Variants in NCK1 observed in about 807,000 individuals in gnomAD.
The protein encoded by NCK1 is SH2/SH3 adapter protein NCK1.
In NCK1, 19 loss-of-function variants were observed where a neutral mutation model predicts 36.6. That is an observed-to-expected ratio of 0.52 (90% confidence interval 0.36 to 0.76). NCK1 has a LOEUF of 0.76. Among genes scored for constraint, NCK1 ranks in the 30% least tolerant of loss-of-function variants. The pLI, the probability that NCK1 is intolerant of heterozygous loss-of-function variation, is 0.00. For missense variants in NCK1, 358 were observed against 445.6 expected (o/e 0.80, Z 1.77); for synonymous variants, 165 against 156.0 (o/e 1.06, Z -0.43).
chr3:136,923,321 C>T (rs891362135), intron 1 of NCK1, among the ~76,000 whole-genome samples: 2 of 151,946 alleles, frequency 1.3e-5, no homozygotes, highest in South Asian at 2.1e-4. Flanking sequence ...TTTGGGAGGC[C>T]GAGGCAGGCG....
chr3:136,878,008 C>G (rs1412198546), intron 1 of NCK1, among the ~76,000 whole-genome samples: 1 of 152,158 alleles, frequency 6.6e-6, no homozygotes, highest in Admixed American at 6.6e-5. Context: ...AGAACTGATA[C>G]ATGTTATAAC....
intron 1 of NCK1, among the ~76,000 whole-genome samples, chr3:136,880,719 T>G (rs1938910063): frequency 6.6e-6 from 1 of 152,068 alleles, no homozygotes; most frequent in Non-Finnish European, 1.5e-5. Flanking sequence ...ATCCTCATGT[T>G]TCAACCTCCC....
At chr3:136,878,182 G>A (rs1938827595) in intron 1 of NCK1, among the ~76,000 whole-genome samples, 1 of 152,158 alleles carries the variant, frequency 6.6e-6, no homozygotes, top group Non-Finnish European at 1.5e-5. Flanking sequence ...GCCAAGACGG[G>A]CAGATCACTT....
At chr3:136,935,870 A>G (rs1560052763) in intron 2 of NCK1, among the ~76,000 whole-genome samples, 1 of 152,086 alleles carries the variant, frequency 6.6e-6, no homozygotes, top group Non-Finnish European at 1.5e-5. Context: ...GGCAATTACT[A>G]ATCTGCTTTC....
At chr3:136,918,051 G>C (rs1184770939) in intron 1 of NCK1, among the ~76,000 whole-genome samples, 1 of 152,096 alleles carries the variant, frequency 6.6e-6, no homozygotes. Flanking sequence ...TAGAGTTCAA[G>C]GCAGGCCGTT....
intron 2 of NCK1, among the ~76,000 whole-genome samples, chr3:136,931,967 A>G (rs1265873245): frequency 6.6e-6 from 1 of 152,110 alleles, no homozygotes; most frequent in Admixed American, 6.5e-5. Context: ...TAAAAATGCA[A>G]ACATTAGCTG....
intron 1 of NCK1, among the ~76,000 whole-genome samples, chr3:136,921,635 T>C (rs1344382339): frequency 6.6e-6 from 1 of 152,202 alleles, no homozygotes; most frequent in Non-Finnish European, 1.5e-5. Flanking sequence ...CTAGTTAAAA[T>C]GGTAAGGACA....
At position 136,948,495 on chromosome 3, in the gene NCK1, C is replaced by A; in HGVS notation, c.*42C>A. ...TGACTGCTGTGTAGCTGTAATTTGT[C>A]ATGTAATTGAAGACTGAGAAAATGT... On this transcript the variant is annotated 3_prime_UTR_variant, in exon 4 of 4. Coordinates refer to ENST00000481752, the MANE Select transcript of NCK1 (RefSeq NM_001291999.2). 1 of 1,541,580 alleles carries A rather than the reference C, an allele frequency of 6.5e-7. No individual in the cohort carries two copies. Among genetic ancestry groups the A allele is most frequent in the South Asian group, 1.2e-5 (1 of 83,766 alleles).
rs73864638 is a variant in NCK1 at position 136,904,900 on chromosome 3, C to G, written c.-18-23084C>G. ...ATTTCCAAGGGCCTTTCTTAATGTT[C>G]TGAGAATCTTTTATCTGCTTAATCT... On this transcript the variant is annotated intron_variant, in intron 1 of 3. Coordinates refer to ENST00000481752, the MANE Select transcript of NCK1 (RefSeq NM_001291999.2). 8.5e-3 allele frequency among the ~76,000 whole-genome samples: 1,245 copies of G among 146,082 alleles called. 23 individuals are homozygous for G. Among genetic ancestry groups the G allele is most frequent in the African/African-American group, 0.03 (1,199 of 39,512 alleles).
At chr3:136,877,843 TA>T (rs1428553330) in intron 1 of NCK1, among the ~76,000 whole-genome samples, 1 of 152,076 alleles carries the variant, frequency 6.6e-6, no homozygotes, top group East Asian at 1.9e-4. Context: ...AGGGTGGTGC[TA>T]AAAACAGGAG....
chr3:136,928,254 A>G (rs1464060324), intron 2 of NCK1, 27 bp downstream of exon 2: 25 of 1,561,402 alleles, frequency 1.6e-5, no homozygotes, highest in East Asian at 2.3e-5. Flanking sequence ...AAGAAAAGCA[A>G]CTTTGTTTTA....
At chr3:136,881,378 C>T (rs1488478033) in intron 1 of NCK1, among the ~76,000 whole-genome samples, 1 of 152,054 alleles carries the variant, frequency 6.6e-6, no homozygotes, top group East Asian at 1.9e-4. Context: ...CGCCACTACG[C>T]CCGGCTAATT....
At chr3:136,938,598 G>T (rs1344882484) in intron 2 of NCK1, among the ~76,000 whole-genome samples, 1 of 152,098 alleles carries the variant, frequency 6.6e-6, no homozygotes, top group African/African-American at 2.4e-5. Flanking sequence ...ATGAAGTGTT[G>T]CCTAGAGTTC....
chr3:136,945,955 C>G lies in NCK1; in HGVS notation c.599C>G (p.Pro200Arg). The G allele has an allele frequency of 6.2e-7, 1 of 1,613,946 alleles. No individual in the cohort carries two copies. The highest frequency in any genetic ancestry group is 8.5e-7 in the Non-Finnish European group (1 of 1,179,978). The change falls in exon 3 of 4, where the codon CCA becomes CGA. Residue 200 changes from proline to arginine, a missense_variant. Coordinates refer to ENST00000481752, the MANE Select transcript of NCK1 (RefSeq NM_001291999.2). ...TTGCATGTGGTACAGGCTCTTTACC[C>G]ATTCAGCTCATCTAATGATGAAGAA... ...QVLHVVQALYPFSSSNDEELN... is the reference protein window; with the variant it reads ...QVLHVVQALYRFSSSNDEELN...
chr3:136,894,120 C>G (rs532292837), intron 1 of NCK1, among the ~76,000 whole-genome samples: 1 of 152,150 alleles, frequency 6.6e-6, no homozygotes, highest in Non-Finnish European at 1.5e-5. Context: ...ATATTTATTC[C>G]TTTCTTTGCC....
chr3:136,880,011 A>G (rs1042953650), intron 1 of NCK1, among the ~76,000 whole-genome samples: 3 of 150,860 alleles, frequency 2.0e-5, no homozygotes, highest in African/African-American at 7.3e-5. Context: ...AAGGCTGGGC[A>G]CAGTGGCTCA....
intron 1 of NCK1, among the ~76,000 whole-genome samples, chr3:136,905,975 C>T (rs998341782): frequency 3.1e-5 from 3 of 96,576 alleles, no homozygotes; most frequent in African/African-American, 7.4e-5. Context: ...GGTCTTTTGG[C>T]GGTGTCATAT....
chr3:136,935,770 A>G (rs1276740753), intron 2 of NCK1, among the ~76,000 whole-genome samples: 1 of 152,198 alleles, frequency 6.6e-6, no homozygotes, highest in Admixed American at 6.5e-5. Flanking sequence ...ATTCAGTAGT[A>G]TTGAGTACAT....
intron 1 of NCK1, among the ~76,000 whole-genome samples, chr3:136,906,784 A>G (rs1939697938): frequency 6.6e-6 from 1 of 152,070 alleles, no homozygotes; most frequent in African/African-American, 2.4e-5. Context: ...GTTAGTTGCC[A>G]GCTGTGGTGG....
Sources: allele counts gnomAD v4.1 joint callset (sites outside exome capture counted in the v4.1 genomes callset), GRCh38; gene constraint gnomAD v4.1.1; transcripts MANE v1.5; gene names NCBI Gene and HGNC (gene_info 2026-07-23, HGNC 2026-07-21).